UVRAG: variants seen among roughly 807,000 people sequenced by gnomAD.
The protein encoded by UVRAG is UV radiation resistance associated.
In UVRAG, 19 loss-of-function variants were observed where a neutral mutation model predicts 78.0. The ratio of observed to expected loss-of-function variants is 0.24; its 90% CI spans 0.17 to 0.36. The LOEUF is 0.36. Ranked by LOEUF, UVRAG falls within the 10% of genes least tolerant of loss-of-function variation. The pLI is 1.00. For missense variants in UVRAG, 740 were observed against 853.8 expected (o/e 0.87, Z 1.66); for synonymous variants, 323 against 324.6 (o/e 1.00, Z 0.05).
chr11:75,923,180 A>G (rs1448437177), intron 6 of UVRAG, among the ~76,000 whole-genome samples: 1 of 151,434 alleles, frequency 6.6e-6, no homozygotes, highest in African/African-American at 2.4e-5. Context: ...TTTTGTTAGG[A>G]TTGGTTGCTG....
At chr11:76,106,405 G>A (rs1565163461) in intron 13 of UVRAG, among the ~76,000 whole-genome samples, 1 of 151,762 alleles carries the variant, frequency 6.6e-6, no homozygotes, top group South Asian at 2.1e-4. Flanking sequence ...CCGCTCTGTT[G>A]CCCAGACTGG....
In UVRAG at chr11:75,866,346, T is replaced by G. The variant is rs548070051; in HGVS notation, c.270+4566T>G. 1.1e-4 allele frequency among the ~76,000 whole-genome samples: 17 copies of G among 150,556 alleles called. No homozygotes were observed. In the East Asian group the frequency reaches 2.9e-3, roughly 26 times the overall value. Reference sequence around the variant, plus strand: ...ATCAGCCTGGGCAAGATGACGAGACTCCCATCTCTACAATAAATAAATAAA... The same window carrying G: ...ATCAGCCTGGGCAAGATGACGAGACGCCCATCTCTACAATAAATAAATAAA... On this transcript the variant is annotated intron_variant, in intron 3 of 14. Coordinates refer to ENST00000356136, the MANE Select transcript of UVRAG (RefSeq NM_003369.4).
chr11:75,835,482 C>T (rs1945756300), intron 1 of UVRAG, among the ~76,000 whole-genome samples: 1 of 152,186 alleles, frequency 6.6e-6, no homozygotes, highest in African/African-American at 2.4e-5. Context: ...GAGCAAGCCA[C>T]TTACTGTTTC....
chr11:76,036,988 T>A (rs894159169), intron 12 of UVRAG, among the ~76,000 whole-genome samples: 1 of 152,138 alleles, frequency 6.6e-6, no homozygotes, highest in African/African-American at 2.4e-5. Context: ...ATTCTTTAAT[T>A]ATATTTATTA....
chr11:75,830,530 C>CAA (rs1273578121), intron 1 of UVRAG, among the ~76,000 whole-genome samples: 1 of 152,128 alleles, frequency 6.6e-6, no homozygotes, highest in Non-Finnish European at 1.5e-5. Context: ...CTCCGCCTCC[C>CAA]AAAGTGTTGG....
rs556403310 is a variant in UVRAG, at chr11:75,988,341, C to T, written c.826+4828C>T. Among the ~76,000 whole-genome samples the T allele has an allele frequency of 4.6e-5, 7 of 152,316 alleles. No individual in the cohort carries two copies. The South Asian group carries it at 1.5e-3, about 32-fold the overall frequency. ...TTCTGATACCATTTTCCTTTTCTAG[C>T]ATTTCATATGAATGGAATCATACAA... On this transcript the variant is annotated intron_variant, in intron 8 of 14. Transcript: ENST00000356136.
chr11:76,071,845 A>G (rs142167790), intron 13 of UVRAG, among the ~76,000 whole-genome samples: 19 of 152,112 alleles, frequency 1.2e-4, no homozygotes, highest in African/African-American at 4.3e-4. Flanking sequence ...TGTATGAGCA[A>G]CTCCTTTAAT....
At chr11:76,112,769 C>T (rs963335712) in intron 13 of UVRAG, among the ~76,000 whole-genome samples, 1 of 150,898 alleles carries the variant, frequency 6.6e-6, no homozygotes, top group Non-Finnish European at 1.5e-5. Flanking sequence ...TCTTATCACG[C>T]AGGCTGGAGT....
At chr11:76,044,398 A>C (rs910341079) in intron 12 of UVRAG, among the ~76,000 whole-genome samples, 7 of 152,240 alleles carry the variant, frequency 4.6e-5, no homozygotes, top group African/African-American at 1.7e-4. Context: ...CACTAGTAGT[A>C]AATGTCAAAC....
intron 12 of UVRAG, among the ~76,000 whole-genome samples, chr11:76,039,901 G>C (rs1950610554): frequency 6.6e-6 from 1 of 151,742 alleles, no homozygotes; most frequent in African/African-American, 2.4e-5. Context: ...AAATAAAAAG[G>C]GTGAAAGACC....
chr11:75,927,059 A>G (rs143854947), intron 6 of UVRAG, among the ~76,000 whole-genome samples: 11 of 150,454 alleles, frequency 7.3e-5, no homozygotes, highest in East Asian at 5.8e-4. Context: ...AGGTTGCATT[A>G]TGGCAAAGGC....
At chr11:76,071,312 C>G (rs920633614) in intron 13 of UVRAG, among the ~76,000 whole-genome samples, 2 of 151,992 alleles carry the variant, frequency 1.3e-5, no homozygotes, top group Non-Finnish European at 2.9e-5. Flanking sequence ...ACAGAAAGTT[C>G]CTGAAGGTCA....
At chr11:76,007,726 C>A in intron 10 of UVRAG, 105 bp downstream of exon 10, 1 of 847,878 alleles carries the variant, frequency 1.2e-6, no homozygotes, top group Non-Finnish European at 1.9e-6. Flanking sequence ...TAATCATATG[C>A]TCTGTCATGA....
At chr11:75,996,670 G>A (rs143712632) in intron 8 of UVRAG, among the ~76,000 whole-genome samples, 1 of 152,140 alleles carries the variant, frequency 6.6e-6, no homozygotes, top group Non-Finnish European at 1.5e-5. Flanking sequence ...ACTGGGGGCA[G>A]GCACAATAAT....
chr11:76,118,114 A>G (rs929187105), intron 14 of UVRAG, among the ~76,000 whole-genome samples: 5 of 152,330 alleles, frequency 3.3e-5, no homozygotes, highest in East Asian at 3.9e-4. Flanking sequence ...CATGAGGTTT[A>G]TAATTTTCTT....
chr11:76,101,142 G>T lies in UVRAG; in HGVS notation c.1306-14782G>T, dbSNP rs147358302. On this transcript the variant is annotated intron_variant, in intron 13 of 14. Coordinates refer to ENST00000356136, the MANE Select transcript of UVRAG (RefSeq NM_003369.4). The stretch of plus-strand genomic sequence containing the variant: ...GTATACCCAATAATTGAATTTCTGG[G>T]TCGAATGGTACTTTTGTTTTTAGCT... Among the ~76,000 whole-genome samples the T allele has an allele frequency of 9.2e-5, 14 of 152,190 alleles. No homozygotes were observed. The East Asian group carries it at 2.7e-3, about 29-fold the overall frequency.
At position 76,043,860 on chromosome 11, in the gene UVRAG, A is replaced by G. The variant is rs543209451; in HGVS notation, c.1227-21850A>G. On this transcript the variant is annotated intron_variant, in intron 12 of 14. Coordinates refer to ENST00000356136, the MANE Select transcript of UVRAG (RefSeq NM_003369.4). Reference sequence around the variant, plus strand: ...TGGTGTAAGACCTGAGTTAGAATCCAGCTCTTTGTCACCTTAACCCTGGGC... The same window carrying G: ...TGGTGTAAGACCTGAGTTAGAATCCGGCTCTTTGTCACCTTAACCCTGGGC... Among the ~76,000 whole-genome samples, 50 of 152,354 alleles carry G rather than the reference A, an allele frequency of 3.3e-4. No individual in the cohort carries two copies. The South Asian group carries it at 8.3e-3, about 25-fold the overall frequency.
intron 1 of UVRAG, among the ~76,000 whole-genome samples, chr11:75,836,119 C>T (rs931781005): frequency 7.3e-5 from 11 of 151,674 alleles, no homozygotes; most frequent in African/African-American, 2.4e-4. Context: ...CAAAAAAACC[C>T]ACCTTCAACA....
intron 12 of UVRAG, among the ~76,000 whole-genome samples, chr11:76,032,825 C>T (rs1465237678): frequency 1.3e-5 from 2 of 152,320 alleles, no homozygotes; most frequent in East Asian, 3.9e-4. Flanking sequence ...CCAAAGCCTC[C>T]ACTTTCTCAC....
Sources: allele counts gnomAD v4.1 joint callset (sites outside exome capture counted in the v4.1 genomes callset), GRCh38; gene constraint gnomAD v4.1.1; transcripts MANE v1.5; gene names NCBI Gene and HGNC (gene_info 2026-07-23, HGNC 2026-07-21).